PCDH15: variants seen among roughly 807,000 people sequenced by gnomAD.
PCDH15 encodes the protein protocadherin-15.
In PCDH15, 129 loss-of-function variants were observed where a neutral mutation model predicts 178.5. The ratio of observed to expected loss-of-function variants is 0.72; its 90% confidence interval spans 0.63 to 0.84. The LOEUF (loss-of-function observed/expected upper bound fraction) is 0.84. Among genes scored for constraint, PCDH15 ranks in the 40% least tolerant of loss-of-function variants. The pLI is 0.00. For synonymous variants in PCDH15, 800 were observed against 732.0 expected (o/e 1.09, Z -1.50); for missense variants, 2,230 against 2,099.9 (o/e 1.06, Z -1.21).
intron 1 of PCDH15, among the ~76,000 whole-genome samples, chr10:55,265,636 G>T (rs80303508): frequency 0.016 from 2,455 of 152,030 alleles, 56 homozygotes; most frequent in African/African-American, 0.055. Context: ...TATAATGGAG[G>T]GCTTGCACAG....
intron 2 of PCDH15, among the ~76,000 whole-genome samples, chr10:55,460,932 T>C (rs1345021985): frequency 6.6e-6 from 1 of 152,134 alleles, no homozygotes. Context: ...ATCCATGCAG[T>C]GCTCATCAAT....
At chr10:55,452,256 C>A (rs919428449) in intron 2 of PCDH15, among the ~76,000 whole-genome samples, 2 of 151,842 alleles carry the variant, frequency 1.3e-5, no homozygotes, top group Non-Finnish European at 2.9e-5. Flanking sequence ...GTGTAAATGC[C>A]ATTGTGTTAA....
intron 1 of PCDH15, among the ~76,000 whole-genome samples, chr10:55,193,357 A>G (rs1839996630): frequency 6.6e-6 from 1 of 152,018 alleles, no homozygotes; most frequent in South Asian, 2.1e-4. Context: ...TTGTATCATA[A>G]ACACTGTTTG....
At chr10:53,974,751 C>T (rs373411455) in intron 21 of PCDH15, among the ~76,000 whole-genome samples, 7 of 152,182 alleles carry the variant, frequency 4.6e-5, no homozygotes, top group South Asian at 4.2e-4. Flanking sequence ...CGACCACAGG[C>T]GCCTCTGCCC....
intron 3 of PCDH15, among the ~76,000 whole-genome samples, chr10:54,433,967 A>T (rs1002356554): frequency 6.6e-6 from 1 of 152,220 alleles, no homozygotes; most frequent in Non-Finnish European, 1.5e-5. Context: ...ATTGCCCCAA[A>T]CACCTTTCAT....
intron 2 of PCDH15, among the ~76,000 whole-genome samples, chr10:55,509,927 C>T (rs991918253): frequency 1.3e-5 from 2 of 151,868 alleles, no homozygotes; most frequent in Non-Finnish European, 2.9e-5. Flanking sequence ...GAAGAAATAG[C>T]TAACTAGAGA....
rs1322144381 is a variant in PCDH15 at position 53,821,161 on chromosome 10, GAGAATA to G, written c.4368-937_4368-932del. The G allele has an allele frequency of 4.5e-5, 44 of 973,972 alleles. No individual in the cohort carries two copies. In the African/African-American group the frequency reaches 7.4e-4, roughly 16 times the overall value. 60.3% of individuals were successfully genotyped at this position (973,972 alleles called of 1,614,324 possible). A position where few individuals can be genotyped will look rare whatever the true frequency, so the allele number is the denominator to read the frequency against. On this transcript the variant is annotated intron_variant, in intron 32 of 37. Coordinates refer to ENST00000644397, the MANE Select transcript of PCDH15 (RefSeq NM_001384140.1). ...AAGGGAAAGCACAATGAGAAATAAA[GAGAATA>G]AGACAGCAACTGAAAAAGTATAAGA...
chr10:54,175,202 A>C (rs111519183), intron 13 of PCDH15, among the ~76,000 whole-genome samples: 227 of 152,266 alleles, frequency 1.5e-3, no homozygotes, highest in African/African-American at 4.7e-3. Context: ...AAACCAAAGA[A>C]AACAAAATCA....
chr10:54,681,178 T>C (rs1399115230), intron 1 of PCDH15, among the ~76,000 whole-genome samples: 1 of 152,136 alleles, frequency 6.6e-6, no homozygotes, highest in Non-Finnish European at 1.5e-5. Context: ...TGGAATGTGA[T>C]CCTCCCTATT....
chr10:55,265,660 C>T (rs1842270355), intron 1 of PCDH15, among the ~76,000 whole-genome samples: 1 of 152,114 alleles, frequency 6.6e-6, no homozygotes, highest in Non-Finnish European at 1.5e-5. Context: ...TAAGACCAAG[C>T]CACTCAGTTA....
intron 2 of PCDH15, among the ~76,000 whole-genome samples, chr10:55,383,438 T>A (rs1327925149): frequency 1.3e-5 from 2 of 152,086 alleles, no homozygotes; most frequent in Non-Finnish European, 2.9e-5. Flanking sequence ...AAAACAGGGA[T>A]AACTATTCTC....
intron 2 of PCDH15, among the ~76,000 whole-genome samples, chr10:54,994,207 T>C (rs143385859): frequency 6.8e-4 from 104 of 152,318 alleles, no homozygotes; most frequent in African/African-American, 2.3e-3. Flanking sequence ...TTAATCTTTG[T>C]CATTCCTAAT....
At chr10:53,890,765 G>GA (rs569213732) in intron 26 of PCDH15, among the ~76,000 whole-genome samples, 12 of 151,288 alleles carry the variant, frequency 7.9e-5, no homozygotes, top group African/African-American at 2.7e-4. Flanking sequence ...GCCTGTTTTT[G>GA]AAAAAAAAGG....
At chr10:53,818,721 G>A (rs2132449608) in intron 33 of PCDH15, among the ~76,000 whole-genome samples, 1 of 152,098 alleles carries the variant, frequency 6.6e-6, no homozygotes, top group Non-Finnish European at 1.5e-5. Flanking sequence ...TAATGAAAAT[G>A]TTCTATGTGT....
intron 2 of PCDH15, among the ~76,000 whole-genome samples, chr10:55,425,412 T>G (rs1186098143): frequency 6.6e-6 from 1 of 151,944 alleles, no homozygotes; most frequent in Non-Finnish European, 1.5e-5. Context: ...AATGCAAAAG[T>G]GTTGATGTAT....
chr10:54,820,233 C>G (rs1262996740), intron 3 of PCDH15, among the ~76,000 whole-genome samples: 1 of 151,920 alleles, frequency 6.6e-6, no homozygotes, highest in African/African-American at 2.4e-5. Context: ...GTCTCTGTAA[C>G]TCAGCTTTTT....
intron 2 of PCDH15, among the ~76,000 whole-genome samples, chr10:55,027,377 C>T (rs540996399): frequency 6.6e-6 from 1 of 151,742 alleles, no homozygotes; most frequent in East Asian, 1.9e-4. Flanking sequence ...AAGATATCTA[C>T]TTTCTCTTCT....
chr10:55,273,130 C>T (rs527585673), intron 1 of PCDH15, among the ~76,000 whole-genome samples: 52 of 152,106 alleles, frequency 3.4e-4, no homozygotes, highest in African/African-American at 1.2e-3. Flanking sequence ...GTGCATGTAT[C>T]ATATGATGTG....
At chr10:54,624,493 G>A (rs911682782) in intron 2 of PCDH15, among the ~76,000 whole-genome samples, 1 of 152,216 alleles carries the variant, frequency 6.6e-6, no homozygotes, top group African/African-American at 2.4e-5. Context: ...GTAGGGAAGA[G>A]AGACTTCAGT....
Sources: allele counts gnomAD v4.1 joint callset (sites outside exome capture counted in the v4.1 genomes callset), GRCh38; gene constraint gnomAD v4.1.1; transcripts MANE v1.5; gene names NCBI Gene and HGNC (gene_info 2026-07-23, HGNC 2026-07-21).